SOST: variants seen among roughly 807,000 people sequenced by gnomAD.
SOST encodes sclerosteosis.
SOST carries 14 observed loss-of-function variants against 16.7 expected under a neutral mutation model. The ratio of observed to expected loss-of-function variants is 0.84; its 90% CI spans 0.55 to 1.31. SOST has a LOEUF of 1.31. Ranked by LOEUF, SOST falls within the 50% of genes most tolerant of loss-of-function variation. The pLI is 0.00. For synonymous variants in SOST, 150 were observed against 140.9 expected (o/e 1.06, Z -0.46); for missense variants, 291 against 310.7 (o/e 0.94, Z 0.48).
Position 43,755,615 on chromosome 17 carries a change from C to A in SOST, c.369G>T (p.Lys123Asn). ...AGTCGGGCCCACTAGGTCGCCACCACTTGCCGCGGCCGATGGCGTTGGGCA... is the reference window on the plus strand; with the variant it reads ...AGTCGGGCCCACTAGGTCGCCACCAATTGCCGCGGCCGATGGCGTTGGGCA... The part of the protein sequence containing the change: ...RLLPNAIGRG[K>N]WWRPSGPDFR... The change falls in exon 2 of 2, where the codon AAG becomes AAT. Residue 123 changes from lysine (K) to asparagine (N), a missense_variant. Physicochemically the swap from Lys to Asn is moderately conservative, Grantham distance 94 (BLOSUM62 0). Transcript: ENST00000301691. The surrounding 1 kb of genome is among the most constrained non-coding windows in gnomAD (Gnocchi z 4.3). The A allele has an allele frequency of 6.3e-7, 1 of 1,585,612 alleles. No homozygotes were observed. The highest frequency in any genetic ancestry group is 8.5e-7 in the Non-Finnish European group (1 of 1,172,660).
At chr17:43,756,095 C>T (rs910947512) in intron 1 of SOST, among the ~76,000 whole-genome samples, 8 of 152,236 alleles carry the variant, frequency 5.3e-5, no homozygotes, top group African/African-American at 1.9e-4. Context: ...TAATCCATTA[C>T]ACACGCAATG....
intron 1 of SOST, 84 bp downstream of exon 1, chr17:43,758,438 C>T: frequency 1.8e-6 from 2 of 1,095,690 alleles, no homozygotes; most frequent in South Asian, 1.3e-5. Flanking sequence ...ACTGGGTCTA[C>T]CCCAGTCTTC....
rs1463888171 is a variant in SOST, at chr17:43,754,042, G to A, written c.*1300C>T. 7.0e-6 allele frequency: 1 copy of A among 141,858 alleles called. No individual in the cohort carries two copies. Among genetic ancestry groups the A allele is most frequent in the Non-Finnish European group, 1.5e-5 (1 of 65,896 alleles). The allele number at this position is 141,858 out of a possible 1,614,324, so 8.8% of individuals were successfully genotyped here. Reference sequence around the variant, plus strand: ...CTACACAGAAAGTAAGAGGTTGTCTGGAAATGATTTTCAAAAAGATTTTTG... The same window carrying A: ...CTACACAGAAAGTAAGAGGTTGTCTAGAAATGATTTTCAAAAAGATTTTTG... On this transcript the variant is annotated 3_prime_UTR_variant, in exon 2 of 2. Coordinates refer to ENST00000301691, the MANE Select transcript of SOST (RefSeq NM_025237.3).
rs1410636048 is a variant in SOST, at chr17:43,755,814, C to A, written c.221-51G>T. ...TGGCCGCCCGCCTGGCCACCCCTGCCCTGGACCGGCCCGTCTCTCTCCACC... is the reference window on the plus strand; with the variant it reads ...TGGCCGCCCGCCTGGCCACCCCTGCACTGGACCGGCCCGTCTCTCTCCACC... On this transcript the variant is annotated intron_variant, in intron 1 of 1. Coordinates refer to ENST00000301691, the MANE Select transcript of SOST (RefSeq NM_025237.3). The surrounding 1 kb of genome is among the most constrained non-coding windows in gnomAD (Gnocchi z 4.3). 4 of 1,530,418 alleles carry A rather than the reference C, an allele frequency of 2.6e-6. No individual in the cohort carries two copies. In the African/African-American group the frequency reaches 5.5e-5, roughly 21 times the overall value. The allele number at this position is 1,530,418 out of a possible 1,614,324, so 94.8% of individuals were successfully genotyped here. A position where few individuals can be genotyped will look rare whatever the true frequency, so the allele number is the denominator to read the frequency against.
chr17:43,755,690 C>T lies in SOST; in HGVS notation c.294G>A (p.Lys98=), dbSNP rs747491535. 2.2e-5 allele frequency: 35 copies of T among 1,564,214 alleles called. No individual in the cohort carries two copies. Among genetic ancestry groups the T allele is most frequent in the Non-Finnish European group, 2.8e-5 (33 of 1,163,198 alleles). Residue 98 remains lysine, a synonymous_variant, in exon 2 of 2, where the codon AAG becomes AAA. Coordinates refer to ENST00000301691, the MANE Select transcript of SOST (RefSeq NM_025237.3). This position sits in a 1 kb window ranked among gnomAD's most constrained non-coding sequence, Gnocchi z 4.3. Reference sequence around the variant, plus strand: ...CGGAGCACACCAGCTCGGTGACCGGCTTGGCGCTGCGGCACGGCCCATCGG... The same window carrying T: ...CGGAGCACACCAGCTCGGTGACCGGTTTGGCGCTGCGGCACGGCCCATCGG... ...YVTDGPCRSA[K]PVTELVCSGQ...
chr17:43,756,133 T>C (rs566979130), intron 1 of SOST, among the ~76,000 whole-genome samples: 95 of 152,352 alleles, frequency 6.2e-4, no homozygotes, highest in African/African-American at 2.3e-3. Flanking sequence ...CACATATAGC[T>C]GAAAGCGTCG....
chr17:43,758,488 T>C (rs1350046040), intron 1 of SOST, 34 bp downstream of exon 1: 2 of 1,552,086 alleles, frequency 1.3e-6, no homozygotes, highest in South Asian at 1.1e-5. Flanking sequence ...CTCCCCAGGA[T>C]CTTTTACTAA....
intron 1 of SOST, among the ~76,000 whole-genome samples, chr17:43,757,974 A>C (rs1974149176): frequency 6.6e-6 from 1 of 152,142 alleles, no homozygotes. Flanking sequence ...TTCACACCTC[A>C]GCTCTTCTCA....
At chr17:43,758,430 T>C in intron 1 of SOST, 92 bp downstream of exon 1, 1 of 1,037,280 alleles carries the variant, frequency 9.6e-7, no homozygotes, top group Admixed American at 2.0e-5. Flanking sequence ...CAATCTTCAC[T>C]GGGTCTACCC....
rs564276814 is a variant in SOST at position 43,753,965 on chromosome 17, T to C, written c.*1377A>G. The C allele has an allele frequency of 9.2e-5, 14 of 152,766 alleles. No individual in the cohort carries two copies. The highest frequency in any genetic ancestry group is 3.3e-4 in the Admixed American group (5 of 15,306). 9.5% of individuals were successfully genotyped at this position (152,766 alleles called of 1,614,324 possible). On this transcript the variant is annotated 3_prime_UTR_variant, in exon 2 of 2. Coordinates refer to ENST00000301691, the MANE Select transcript of SOST (RefSeq NM_025237.3). ...AAAAAAACGACCAGTCCTGCAGGCT[T>C]TCATATGTCATGTGCTTCTGTTTAA...
chr17:43,757,421 G>T (rs1180420210), intron 1 of SOST, among the ~76,000 whole-genome samples: 1 of 152,164 alleles, frequency 6.6e-6, no homozygotes, highest in African/African-American at 2.4e-5. Flanking sequence ...CCATGCAGTT[G>T]CCCTTTTTAG....
rs777286638 is a variant in SOST at position 43,755,370 on chromosome 17, T to C, written c.614A>G (p.Asn205Ser). 37 of 1,587,396 alleles carry C rather than the reference T, an allele frequency of 2.3e-5. No individual in the cohort carries two copies. Among genetic ancestry groups the C allele is most frequent in the Admixed American group, 5.1e-5 (3 of 59,248 alleles). ...PRPRARSAKANQAELENAY is the reference protein window; with the variant it reads ...PRPRARSAKASQAELENAY Reference sequence around the variant, plus strand: ...GTAGGCGTTCTCCAGCTCGGCCTGGTTGGCTTTGGCGCTCCGGGCGCGGGG... The same window carrying C: ...GTAGGCGTTCTCCAGCTCGGCCTGGCTGGCTTTGGCGCTCCGGGCGCGGGG... The change falls in exon 2 of 2, where the codon AAC becomes AGC. Residue 205 changes from asparagine (N) to serine (S), a missense_variant. Transcript: ENST00000301691. The surrounding 1 kb of genome is among the most constrained non-coding windows in gnomAD (Gnocchi z 4.3).
chr17:43,758,408 G>T, intron 1 of SOST, 114 bp downstream of exon 1: 1 of 848,850 alleles, frequency 1.2e-6, no homozygotes, highest in Non-Finnish European at 1.9e-6. Context: ...GACCAGTGCT[G>T]GCAGAGGCCA....
intron 1 of SOST, among the ~76,000 whole-genome samples, chr17:43,756,202 A>C (rs1211353145): frequency 1.3e-5 from 2 of 152,110 alleles, no homozygotes; most frequent in Non-Finnish European, 2.9e-5. Context: ...TTTAAGCCAC[A>C]CTTGTGCCGC....
rs1974099334 is a variant in SOST at position 43,754,035 on chromosome 17, G to A, written c.*1307C>T. 6.7e-6 allele frequency: 1 copy of A among 148,232 alleles called. No individual in the cohort carries two copies. The highest frequency in any genetic ancestry group is 1.5e-5 in the Non-Finnish European group (1 of 67,450). The allele number at this position is 148,232 out of a possible 1,614,324, so 9.2% of individuals were successfully genotyped here. A position where few individuals can be genotyped will look rare whatever the true frequency, so the allele number is the denominator to read the frequency against. ...TTAAAAACTACACAGAAAGTAAGAG[G>A]TTGTCTGGAAATGATTTTCAAAAAG... On this transcript the variant is annotated 3_prime_UTR_variant, in exon 2 of 2. Coordinates refer to ENST00000301691, the MANE Select transcript of SOST (RefSeq NM_025237.3).
In SOST at chr17:43,758,783, G is replaced by A; in HGVS notation, c.-42C>T. 1.3e-6 allele frequency: 2 copies of A among 1,532,200 alleles called. No homozygotes were observed. The highest frequency in any genetic ancestry group is 1.1e-5 in the South Asian group (1 of 89,434). The allele number at this position is 1,532,200 out of a possible 1,614,324, so 94.9% of individuals were successfully genotyped here. On this transcript the variant is annotated 5_prime_UTR_variant, in exon 1 of 2. Coordinates refer to ENST00000301691, the MANE Select transcript of SOST (RefSeq NM_025237.3). ...GGGCACGCCACCTTCCAGTAGCACA[G>A]GCTCTGGTCTCCAGCCGAGACACGG...
Position 43,755,348 on chromosome 17 carries a change from G to A in SOST, c.636C>T (p.Ala212=). Residue 212 remains alanine, a synonymous_variant, in exon 2 of 2, where the codon GCC becomes GCT. Coordinates refer to ENST00000301691, the MANE Select transcript of SOST (RefSeq NM_025237.3). This position sits in a 1 kb window ranked among gnomAD's most constrained non-coding sequence, Gnocchi z 4.3. ...GGAGGGGCGCGGGCGGGCTCTAGTA[G>A]GCGTTCTCCAGCTCGGCCTGGTTGG... The part of the protein sequence containing the change: ...AKANQAELEN[A]Y 2 of 1,581,306 alleles carry A rather than the reference G, an allele frequency of 1.3e-6. No homozygotes were observed. The highest frequency in any genetic ancestry group is 8.5e-7 in the Non-Finnish European group (1 of 1,173,052).
chr17:43,755,220 T>A lies in SOST; in HGVS notation c.*122A>T, dbSNP rs1974112902. 2 of 1,039,118 alleles carry A rather than the reference T, an allele frequency of 1.9e-6. No homozygotes were observed. The highest frequency in any genetic ancestry group is 3.7e-5 in the South Asian group (2 of 53,660). The allele number at this position is 1,039,118 out of a possible 1,614,324, so 64.4% of individuals were successfully genotyped here. On this transcript the variant is annotated 3_prime_UTR_variant, in exon 2 of 2. Transcript: ENST00000301691. The surrounding 1 kb of genome is among the most constrained non-coding windows in gnomAD (Gnocchi z 4.3). Reference sequence around the variant, plus strand: ...CAGGGCCTGGAAGGTCTCAGCCCCCTGCCCTGGGTTGCAGGCATTTACAAT... The same window carrying A: ...CAGGGCCTGGAAGGTCTCAGCCCCCAGCCCTGGGTTGCAGGCATTTACAAT...
Position 43,755,573 on chromosome 17 carries a change from G to T in SOST, c.411C>A (p.Asp137Glu), listed in dbSNP as rs745471377. The T allele has an allele frequency of 1.7e-5, 27 of 1,594,490 alleles. No homozygotes were observed. In the East Asian group the frequency reaches 5.5e-4, roughly 32 times the overall value. The stretch of plus-strand genomic sequence containing the variant: ...GCTGCACGCGCTGCGCGCGGTAGCG[G>T]TCGGGGATGCAGCGGAAGTCGGGCC... ...PSGPDFRCIP[D>E]RYRAQRVQLL... is the part of the protein sequence containing the mutation. Residue 137 changes from aspartate to glutamate, a missense_variant, in exon 2 of 2, where the codon GAC becomes GAA. Physicochemically the swap from Asp to Glu is conservative, Grantham distance 45 (BLOSUM62 2). Transcript: ENST00000301691. The surrounding 1 kb of genome is among the most constrained non-coding windows in gnomAD (Gnocchi z 4.3).
Sources: gnomAD v4.1 joint callset for allele counts (sites outside exome capture counted in the v4.1 genomes callset) on GRCh38, gnomAD v4.1.1 for gene constraint, Gnocchi (gnomAD v3.1) non-coding constraint, MANE v1.5 for transcripts, NCBI Gene and HGNC (gene_info 2026-07-23, HGNC 2026-07-21) for gene names.